AKT1S1: variants seen among roughly 807,000 people sequenced by gnomAD.
AKT1S1 encodes the protein proline-rich AKT1 substrate 1.
Under a neutral mutation model 21.2 loss-of-function variants are expected in AKT1S1, and 17 were observed. The observed-to-expected ratio is 0.80, with a 90% confidence interval of 0.55 to 1.20. AKT1S1 has a LOEUF of 1.20. Among genes scored for constraint, AKT1S1 ranks in the 50% most tolerant of loss-of-function variants. The probability of loss-of-function intolerance (pLI) is 0.00; values close to 1 mark genes in which losing one functional copy is unlikely to be tolerated. For missense variants in AKT1S1, 366 were observed against 368.3 expected (o/e 0.99, Z 0.05); for synonymous variants, 181 against 165.6 (o/e 1.09, Z -0.72).
At chr19:49,876,952 T>G in intron 1 of AKT1S1, 1 of 372,526 alleles carries the variant, frequency 2.7e-6, no homozygotes, top group East Asian at 4.0e-5. Context: ...AGGAAATCGG[T>G]GCTCGTTAAC....
At chr19:49,870,937 AG>A (rs534113708) in intron 4 of AKT1S1, among the ~76,000 whole-genome samples, 3 of 152,092 alleles carry the variant, frequency 2.0e-5, no homozygotes, top group South Asian at 2.1e-4. Flanking sequence ...CTGAGGCTTG[AG>A]GGGGGGACTG....
chr19:49,875,989 C>G (rs1004314403), intron 1 of AKT1S1: 1 of 985,230 alleles, frequency 1.0e-6, no homozygotes, highest in African/African-American at 1.7e-5. Flanking sequence ...GAAAGTGAGA[C>G]GTGTTCCCCA....
At chr19:49,875,636 G>A (rs1344871130) in intron 1 of AKT1S1, among the ~76,000 whole-genome samples, 1 of 152,214 alleles carries the variant, frequency 6.6e-6, no homozygotes, top group East Asian at 1.9e-4. Flanking sequence ...ATGCGGAGAA[G>A]AGGGGGAGAG....
At chr19:49,877,766 C>T (rs1285578916), upstream of AKT1S1, 2 of 1,584,516 alleles carry the variant, frequency 1.3e-6, no homozygotes, top group South Asian at 1.2e-5. Flanking sequence ...GGACGCATTC[C>T]CTCGCTTCAG....
upstream of AKT1S1, chr19:49,877,596 GCTCCTT>G (rs2074964780): frequency 1.0e-6 from 1 of 991,540 alleles, no homozygotes; most frequent in East Asian, 2.9e-5. Context: ...GGTTTCACCC[GCTCCTT>G]CTCTAGAACG....
At chr19:49,870,939 G>A (rs1476001914) in intron 4 of AKT1S1, among the ~76,000 whole-genome samples, 2 of 152,170 alleles carry the variant, frequency 1.3e-5, no homozygotes. Flanking sequence ...GAGGCTTGAG[G>A]GGGGGACTGT....
chr19:49,869,691 G>T lies in AKT1S1; in HGVS notation c.*226C>A. ...TAGAAGGAATCTGTCGCTAGGCGGA[G>T]AGAGACGACAGACCCAATCGGGAAA... On this transcript the variant is annotated 3_prime_UTR_variant, in exon 5 of 5. Transcript: ENST00000344175. 2.2e-6 allele frequency: 1 copy of T among 453,154 alleles called. No individual in the cohort carries two copies. Among genetic ancestry groups the T allele is most frequent in the Non-Finnish European group, 3.8e-6 (1 of 259,774 alleles). The allele number at this position is 453,154 out of a possible 1,614,324, so 28.1% of individuals were successfully genotyped here. A position where few individuals can be genotyped will look rare whatever the true frequency, so the allele number is the denominator to read the frequency against.
At chr19:49,875,450 G>C (rs922699302) in intron 1 of AKT1S1, among the ~76,000 whole-genome samples, 1 of 152,096 alleles carries the variant, frequency 6.6e-6, no homozygotes, top group African/African-American at 2.4e-5. Context: ...TGACTGCCCA[G>C]CCCCAAAACC....
Position 49,871,581 on chromosome 19 carries a change from G to A in AKT1S1, c.593C>T (p.Thr198Ile), listed in dbSNP as rs762149334. ...VPVWGFKEKR[T>I]EARSSDEENG... is the part of the protein sequence containing the mutation. Reference sequence around the variant, plus strand: ...CTCCTCATCTGATGACCGCGCCTCTGTCCTCTTCTCCTTGAAGCCCCAGAC... The same window carrying A: ...CTCCTCATCTGATGACCGCGCCTCTATCCTCTTCTCCTTGAAGCCCCAGAC... The change falls in exon 4 of 5, where the codon ACA becomes ATA. Residue 198 changes from threonine to isoleucine, a missense_variant. Thr to Ile is a moderately conservative substitution (Grantham distance 89). Transcript: ENST00000344175. The A allele has an allele frequency of 6.2e-7, 1 of 1,614,028 alleles. No individual in the cohort carries two copies. Among genetic ancestry groups the A allele is most frequent in the Non-Finnish European group, 8.5e-7 (1 of 1,180,010 alleles).
chr19:49,876,312 G>GC (rs1019174287), intron 1 of AKT1S1: 9 of 1,204,146 alleles, frequency 7.5e-6, no homozygotes, highest in Non-Finnish European at 9.3e-6. Context: ...GCGCCCCGAG[G>GC]CCCCCCAAAC....
upstream of AKT1S1, chr19:49,877,731 G>T (rs752308773): frequency 2.5e-6 from 4 of 1,599,578 alleles, no homozygotes; most frequent in South Asian, 4.5e-5. Flanking sequence ...ACTATGGAAG[G>T]AGCCGGCTAC....
intron 3 of AKT1S1, 44 bp downstream of exon 3, chr19:49,871,768 G>C (rs1568666888): frequency 6.2e-7 from 1 of 1,611,114 alleles, no homozygotes; most frequent in Non-Finnish European, 8.5e-7. Flanking sequence ...TGTCGGCCGT[G>C]TGCCTGCCCT....
rs942761354 is a variant in AKT1S1 at position 49,869,761 on chromosome 19, G to A, written c.*156C>T. On this transcript the variant is annotated 3_prime_UTR_variant, in exon 5 of 5. Coordinates refer to ENST00000344175, the MANE Select transcript of AKT1S1 (RefSeq NM_001098633.4). ...CGGCGCGGCAGGTCGTGGGCTGGAA[G>A]GACGGCGGGGATTGGCAGAGGCGGG... 1.4e-5 allele frequency: 13 copies of A among 910,444 alleles called. No homozygotes were observed. Among genetic ancestry groups the A allele is most frequent in the East Asian group, 1.3e-4 (4 of 30,464 alleles). The allele number at this position is 910,444 out of a possible 1,614,324, so 56.4% of individuals were successfully genotyped here. A position where few individuals can be genotyped will look rare whatever the true frequency, so the allele number is the denominator to read the frequency against.
chr19:49,878,212 A>T, upstream of AKT1S1: 1 of 1,563,614 alleles, frequency 6.4e-7, no homozygotes, highest in Non-Finnish European at 8.7e-7. Context: ...AGACTCTCTC[A>T]TCGCTGGTGT....
At position 49,873,246 on chromosome 19, in the gene AKT1S1, G is replaced by T. The variant is rs2074906311; in HGVS notation, c.50C>A (p.Ala17Asp). 2.0e-6 allele frequency: 3 copies of T among 1,534,226 alleles called. No homozygotes were observed. Among genetic ancestry groups the T allele is most frequent in the South Asian group, 1.2e-5 (1 of 84,086 alleles). The change falls in exon 2 of 5, where the codon GCT becomes GAT. Residue 17 changes from alanine (A) to aspartate (D), a missense_variant. Transcript: ENST00000344175. This position sits in a 1 kb window ranked among gnomAD's most constrained non-coding sequence, Gnocchi z 6.9. ...EELWEAVVGA[A>D]ERFRARTGTE... ...GCCAGTCCGGGCCCGGAAGCGCTCA[G>T]CGGCCCCCACCACGGCCTCCCACAG...
Position 49,873,455 on chromosome 19 carries a change from C to A in AKT1S1, c.-7-153G>T. 4 of 1,305,218 alleles carry A rather than the reference C, an allele frequency of 3.1e-6. No individual in the cohort carries two copies. Among genetic ancestry groups the A allele is most frequent in the Non-Finnish European group, 3.9e-6 (4 of 1,015,936 alleles). The allele number at this position is 1,305,218 out of a possible 1,614,324, so 80.9% of individuals were successfully genotyped here. A position where few individuals can be genotyped will look rare whatever the true frequency, so the allele number is the denominator to read the frequency against. ...GTGTGTCCTCCCCAAACCTGCTACTCCCCAGGATTCTCACCATCCAGTCCT... is the reference window on the plus strand; with the variant it reads ...GTGTGTCCTCCCCAAACCTGCTACTACCCAGGATTCTCACCATCCAGTCCT... On this transcript the variant is annotated intron_variant, in intron 1 of 4. Transcript: ENST00000344175. This position sits in a 1 kb window ranked among gnomAD's most constrained non-coding sequence, Gnocchi z 6.9.
chr19:49,875,967 G>A, intron 1 of AKT1S1: 1 of 985,468 alleles, frequency 1.0e-6, no homozygotes, highest in Non-Finnish European at 1.2e-6. Flanking sequence ...TAAGATCAGG[G>A]AGAGATTAGA....
At chr19:49,872,782 G>T in intron 2 of AKT1S1, 135 bp downstream of exon 2, 1 of 1,095,188 alleles carries the variant, frequency 9.1e-7, no homozygotes, top group South Asian at 1.6e-5. Context: ...CCCCAGGCAA[G>T]CCTGTCTGGC....
At chr19:49,874,159 C>G (rs1198562044) in intron 1 of AKT1S1, 1 of 152,388 alleles carries the variant, frequency 6.6e-6, no homozygotes, top group African/African-American at 2.4e-5. Context: ...CCATTCCCCA[C>G]CAACCTTTCA....
Sources: allele counts gnomAD v4.1 joint callset (sites outside exome capture counted in the v4.1 genomes callset), GRCh38; gene constraint gnomAD v4.1.1; non-coding constraint Gnocchi (gnomAD v3.1); transcripts MANE v1.5; gene names NCBI Gene and HGNC (gene_info 2026-07-23, HGNC 2026-07-21).